Variants in TNKS observed in about 807,000 individuals in gnomAD.
TNKS encodes the protein poly [ADP-ribose] polymerase tankyrase-1.
TNKS carries 72 observed loss-of-function variants against 135.8 expected under a neutral mutation model. That is an observed-to-expected ratio of 0.53 (90% CI 0.44 to 0.64). The LOEUF (loss-of-function observed/expected upper bound fraction) is 0.64, where lower values mean the gene tolerates loss of function less well. TNKS is among the 30% of genes least tolerant of loss of function. TNKS has a pLI of 0.00. For missense variants in TNKS, 1,769 were observed against 1,674.0 expected (o/e 1.06, Z -0.99); for synonymous variants, 849 against 649.3 (o/e 1.31, Z -4.68).
At chr8:9,665,135 C>T (rs1801928829) in intron 3 of TNKS, among the ~76,000 whole-genome samples, 1 of 152,194 alleles carries the variant, frequency 6.6e-6, no homozygotes, top group African/African-American at 2.4e-5. Flanking sequence ...TCCTCCCCTC[C>T]TTTTTAAAAT....
At chr8:9,643,524 T>C (rs1174141694) in intron 3 of TNKS, among the ~76,000 whole-genome samples, 1 of 152,000 alleles carries the variant, frequency 6.6e-6, no homozygotes, top group East Asian at 1.9e-4. Context: ...AACTATTGCA[T>C]TGGGGATTAA....
intron 20 of TNKS, among the ~76,000 whole-genome samples, chr8:9,760,539 C>A (rs1319620305): frequency 6.6e-6 from 1 of 152,174 alleles, no homozygotes; most frequent in Non-Finnish European, 1.5e-5. Flanking sequence ...AAAAGGATTT[C>A]TTGGTTTTCC....
In TNKS at chr8:9,720,379, T is replaced by G; in HGVS notation, c.1755T>G (p.Asn585Lys). ...CCCACGCAATGATTTTTCAGATGAA[T>G]GCACTGGACACCCTTGGTCAGACTG... ...EVLHKHGAKM[N>K]ALDTLGQTAL... is the part of the protein sequence containing the mutation. Residue 585 changes from asparagine (N) to lysine (K), a missense_variant, in exon 12 of 27, where the codon AAT becomes AAG. This residue lies in a region of TNKS where 523 missense variants were observed against 541.0 expected (regional missense o/e 0.97). Transcript: ENST00000310430. 6.2e-7 allele frequency: 1 copy of G among 1,600,774 alleles called. No homozygotes were observed. The highest frequency in any genetic ancestry group is 8.5e-7 in the Non-Finnish European group (1 of 1,174,102).
chr8:9,699,034 C>A (rs1257292540), intron 5 of TNKS, among the ~76,000 whole-genome samples: 1 of 152,130 alleles, frequency 6.6e-6, no homozygotes, highest in Non-Finnish European at 1.5e-5. Flanking sequence ...TTAAAATGAT[C>A]CTAACAGAAA....
At chr8:9,776,414 G>C (rs1208456183) in intron 26 of TNKS, among the ~76,000 whole-genome samples, 2 of 152,192 alleles carry the variant, frequency 1.3e-5, no homozygotes, top group African/African-American at 2.4e-5. Flanking sequence ...GATGAATGGA[G>C]CTTAATTGAC....
chr8:9,600,958 C>G (rs2128758879), intron 2 of TNKS, among the ~76,000 whole-genome samples: 1 of 152,262 alleles, frequency 6.6e-6, no homozygotes, highest in African/African-American at 2.4e-5. Flanking sequence ...TAATGTTAGT[C>G]ATTTGATAGG....
Position 9,696,762 on chromosome 8 carries a change from A to G in TNKS, c.1108-7901A>G, listed in dbSNP as rs1268147083. ...TATCCCAGAGAGATGAAAGATCTCTACAAGGAAAACTATAAAACACTGCTG... is the reference window on the plus strand; with the variant it reads ...TATCCCAGAGAGATGAAAGATCTCTGCAAGGAAAACTATAAAACACTGCTG... On this transcript the variant is annotated intron_variant, in intron 5 of 26. Coordinates refer to ENST00000310430, the MANE Select transcript of TNKS (RefSeq NM_003747.3). Among the ~76,000 whole-genome samples the G allele has an allele frequency of 2.0e-5, 3 of 152,280 alleles. No homozygotes were observed. The East Asian group carries it at 5.8e-4, about 29-fold the overall frequency.
chr8:9,767,996 A>G (rs1807570350), intron 25 of TNKS, among the ~76,000 whole-genome samples: 3 of 151,878 alleles, frequency 2.0e-5, no homozygotes, highest in Admixed American at 1.3e-4. Context: ...GAAATTTTCA[A>G]GAATGTATAG....
intron 20 of TNKS, among the ~76,000 whole-genome samples, chr8:9,759,972 T>TGTC (rs1266815428): frequency 6.6e-6 from 1 of 150,726 alleles, no homozygotes; most frequent in Non-Finnish European, 1.5e-5. Flanking sequence ...AGCGAGACTC[T>TGTC]GTCTCAAAAG....
chr8:9,606,068 C>CT (rs1362656560), intron 2 of TNKS, among the ~76,000 whole-genome samples: 1 of 149,874 alleles, frequency 6.7e-6, no homozygotes, highest in African/African-American at 2.4e-5. Flanking sequence ...TTTATTAAGT[C>CT]TTTTTTATGT....
At chr8:9,642,466 A>G (rs889987157) in intron 3 of TNKS, among the ~76,000 whole-genome samples, 1 of 146,260 alleles carries the variant, frequency 6.8e-6, no homozygotes, top group Non-Finnish European at 1.5e-5. Flanking sequence ...TCTAAATACT[A>G]TGTGGGCTGA....
intron 1 of TNKS, among the ~76,000 whole-genome samples, chr8:9,565,835 T>C (rs1205679829): frequency 6.6e-6 from 1 of 152,010 alleles, no homozygotes; most frequent in Non-Finnish European, 1.5e-5. Flanking sequence ...CCAGCCTGGG[T>C]GACAGAGCAA....
intron 25 of TNKS, among the ~76,000 whole-genome samples, chr8:9,768,951 T>A (rs1291118316): frequency 2.0e-5 from 3 of 152,208 alleles, no homozygotes. Flanking sequence ...TGGTTACTTA[T>A]AACACAAAGC....
At chr8:9,615,321 C>T (rs750784010) in intron 2 of TNKS, 9 of 267,070 alleles carry the variant, frequency 3.4e-5, no homozygotes, top group Non-Finnish European at 4.9e-5. Context: ...CAAACCAAAA[C>T]TCTACATTGC....
intron 26 of TNKS, among the ~76,000 whole-genome samples, chr8:9,771,627 AGG>A: frequency 8.8e-6 from 1 of 113,476 alleles, no homozygotes; most frequent in African/African-American, 3.5e-5. Context: ...GGAAGGAAAG[AGG>A]GAGGGAAAGA....
chr8:9,607,922 T>C (rs1402310015), intron 2 of TNKS, among the ~76,000 whole-genome samples: 1 of 152,172 alleles, frequency 6.6e-6, no homozygotes, highest in African/African-American at 2.4e-5. Context: ...TAATAGATGT[T>C]GATGACACCG....
intron 2 of TNKS, among the ~76,000 whole-genome samples, chr8:9,588,702 G>C (rs1798481762): frequency 6.6e-6 from 1 of 152,154 alleles, no homozygotes; most frequent in Non-Finnish European, 1.5e-5. Context: ...TTTAATTCCT[G>C]TGACTTTGGG....
intron 3 of TNKS, among the ~76,000 whole-genome samples, chr8:9,638,474 C>G (rs1010620192): frequency 5.3e-5 from 8 of 152,174 alleles, no homozygotes; most frequent in African/African-American, 1.9e-4. Flanking sequence ...GCAGCTGCAT[C>G]CATATATACC....
chr8:9,764,872 T>G, intron 23 of TNKS, 82 bp downstream of exon 23: 1 of 1,123,302 alleles, frequency 8.9e-7, no homozygotes, highest in Non-Finnish European at 1.3e-6. Context: ...AAAAGTTTAT[T>G]AAGTCATATT....
Sources: gnomAD v4.1 joint callset for allele counts (sites outside exome capture counted in the v4.1 genomes callset) on GRCh38, gnomAD v4.1.1 for gene constraint, gnomAD v4.1.1 regional missense constraint, MANE v1.5 for transcripts, NCBI Gene and HGNC (gene_info 2026-07-23, HGNC 2026-07-21) for gene names.